The following PCDH15 variants were observed in gnomAD, a reference collection of about 807,000 sequenced individuals.
The protein encoded by PCDH15 is protocadherin related 15, also known as protocadherin-15.
PCDH15 carries 129 observed loss-of-function variants against 178.5 expected under a neutral mutation model. The ratio of observed to expected loss-of-function variants is 0.72; its 90% CI spans 0.63 to 0.84. The LOEUF (loss-of-function observed/expected upper bound fraction) is 0.84, where lower values mean the gene tolerates loss of function less well. Among genes scored for constraint, PCDH15 ranks in the 40% least tolerant of loss-of-function variants. The probability of loss-of-function intolerance (pLI) is 0.00; values close to 1 mark genes in which losing one functional copy is unlikely to be tolerated. For missense variants in PCDH15, 2,230 were observed against 2,099.9 expected, an observed-to-expected ratio of 1.06 and a Z score of -1.21; for synonymous variants, 800 against 732.0, an observed-to-expected ratio of 1.09 and a Z score of -1.50.
At chr10:54,215,345 GAA>G (rs35866961) in intron 9 of PCDH15, among the ~76,000 whole-genome samples, 8 of 151,444 alleles carry the variant, frequency 5.3e-5, no homozygotes, top group Non-Finnish European at 1.0e-4. Context: ...AAATGAGGGG[GAA>G]AAAAAACAGA....
intron 3 of PCDH15, among the ~76,000 whole-genome samples, chr10:54,392,686 G>A (rs1950704956): frequency 6.6e-6 from 1 of 151,538 alleles, no homozygotes; most frequent in South Asian, 2.1e-4. Flanking sequence ...ATCACTTAAG[G>A]TCAGGAGTTT....
chr10:55,303,884 A>G (rs1423577790), intron 1 of PCDH15, among the ~76,000 whole-genome samples: 2 of 152,020 alleles, frequency 1.3e-5, no homozygotes, highest in South Asian at 2.1e-4. Context: ...TTTGTTCTCA[A>G]TTTTATTTAT....
chr10:54,489,431 GAA>G lies in PCDH15; in HGVS notation c.157+38379_157+38380del, dbSNP rs535865196. ...TTACTCTATAAAAAAGAGTAATGCT[GAA>G]AATAATTATAGTTGTTGGATATGCT... On this transcript the variant is annotated intron_variant, in intron 3 of 37. Coordinates refer to ENST00000644397, the MANE Select transcript of PCDH15 (RefSeq NM_001384140.1). Among the ~76,000 whole-genome samples, 66 of 152,230 alleles carry G rather than the reference GAA, an allele frequency of 4.3e-4. 1 individual carries two copies. Among genetic ancestry groups the G allele is most frequent in the African/African-American group, 1.1e-3 (45 of 41,554 alleles).
At chr10:54,820,636 G>A (rs1299644344) in intron 3 of PCDH15, among the ~76,000 whole-genome samples, 1 of 151,982 alleles carries the variant, frequency 6.6e-6, no homozygotes, top group East Asian at 1.9e-4. Flanking sequence ...GATTTGTGAT[G>A]TTCAACTTTG....
chr10:55,275,462 G>A (rs549404409), intron 1 of PCDH15, among the ~76,000 whole-genome samples: 1 of 151,576 alleles, frequency 6.6e-6, no homozygotes, highest in Admixed American at 6.6e-5. Context: ...TGTGCTATGG[G>A]TTTTGTTTTT....
intron 3 of PCDH15, among the ~76,000 whole-genome samples, chr10:54,842,145 G>A (rs1356722238): frequency 6.6e-6 from 1 of 150,798 alleles, no homozygotes; most frequent in Non-Finnish European, 1.5e-5. Flanking sequence ...AATCTGTCAA[G>A]CTACTGAAAA....
At chr10:54,664,415 C>T (rs985579692) in intron 1 of PCDH15, 125 bp from the exon 2 acceptor site, 2 of 673,926 alleles carry the variant, frequency 3.0e-6, no homozygotes, top group African/African-American at 1.8e-5. Context: ...CCACATTATC[C>T]ATTAACAAAG....
chr10:54,191,938 G>A (rs12245728), intron 11 of PCDH15, among the ~76,000 whole-genome samples: 60,731 of 138,802 alleles, frequency 0.44, 15,673 homozygotes, highest in East Asian at 0.94. Context: ...AAAAGCAAGG[G>A]AAAGAAAAAA....
At chr10:54,769,413 G>T (rs1409446823) in intron 1 of PCDH15, among the ~76,000 whole-genome samples, 3 of 149,176 alleles carry the variant, frequency 2.0e-5, no homozygotes, top group African/African-American at 5.0e-5. Flanking sequence ...TAAAACACTT[G>T]CAGGGATGTT....
chr10:55,580,914 A>G (rs149935777), intron 2 of PCDH15, among the ~76,000 whole-genome samples: 36 of 152,182 alleles, frequency 2.4e-4, no homozygotes, highest in Non-Finnish European at 4.9e-4. Flanking sequence ...CAGATGGAAA[A>G]CTCAAATTTC....
At chr10:54,641,486 C>T (rs1332243194) in intron 2 of PCDH15, among the ~76,000 whole-genome samples, 2 of 151,976 alleles carry the variant, frequency 1.3e-5, no homozygotes, top group African/African-American at 2.4e-5. Flanking sequence ...TAGTGAATGG[C>T]CCTATTCTAC....
intron 7 of PCDH15, among the ~76,000 whole-genome samples, chr10:54,326,702 C>T (rs567164740): frequency 6.6e-6 from 1 of 152,158 alleles, no homozygotes; most frequent in East Asian, 1.9e-4. Context: ...ACACTCACTG[C>T]CTCTCTTGAA....
chr10:55,350,001 T>G (rs2131965225), intron 2 of PCDH15, among the ~76,000 whole-genome samples: 1 of 151,864 alleles, frequency 6.6e-6, no homozygotes. Flanking sequence ...CAACTCACTC[T>G]ACTATCCTTT....
intron 21 of PCDH15, among the ~76,000 whole-genome samples, chr10:53,992,697 G>A (rs1183964598): frequency 6.6e-6 from 1 of 152,082 alleles, no homozygotes; most frequent in Non-Finnish European, 1.5e-5. Context: ...AACGTCTCTG[G>A]TGAAAAGAAA....
At chr10:55,381,169 C>G (rs532221532) in intron 2 of PCDH15, among the ~76,000 whole-genome samples, 1 of 152,184 alleles carries the variant, frequency 6.6e-6, no homozygotes, top group African/African-American at 2.4e-5. Context: ...ACAATAAAGA[C>G]AAGAGTTTCA....
intron 2 of PCDH15, among the ~76,000 whole-genome samples, chr10:55,042,992 T>C (rs1840906036): frequency 6.6e-6 from 1 of 152,148 alleles, no homozygotes; most frequent in Non-Finnish European, 1.5e-5. Context: ...GACATTCTGT[T>C]TGTCTTGTCT....
intron 3 of PCDH15, among the ~76,000 whole-genome samples, chr10:54,817,140 T>C (rs1952960973): frequency 6.6e-6 from 1 of 151,926 alleles, no homozygotes; most frequent in South Asian, 2.1e-4. Flanking sequence ...AATCTAACAT[T>C]ATATATGTAA....
intron 7 of PCDH15, among the ~76,000 whole-genome samples, chr10:54,323,825 A>C (rs1446326306): frequency 1.3e-5 from 2 of 152,164 alleles, no homozygotes; most frequent in African/African-American, 4.8e-5. Flanking sequence ...GCTTAAAATA[A>C]AAGTTGAGGA....
At chr10:54,755,643 G>A (rs563247526) in intron 1 of PCDH15, among the ~76,000 whole-genome samples, 2 of 152,030 alleles carry the variant, frequency 1.3e-5, no homozygotes, top group East Asian at 1.9e-4. Context: ...TGACACAATA[G>A]TAAACATATA....
Sources: allele counts gnomAD v4.1 joint callset (sites outside exome capture counted in the v4.1 genomes callset), GRCh38; gene constraint gnomAD v4.1.1; transcripts MANE v1.5; gene names NCBI Gene and HGNC (gene_info 2026-07-23, HGNC 2026-07-21).